BCAS4: variants seen among roughly 807,000 people sequenced by gnomAD.
BCAS4 encodes breast carcinoma-amplified sequence 4.
A neutral mutation model predicts 15.7 loss-of-function variants in BCAS4; 9 were observed. The observed-to-expected ratio is 0.57, with a 90% CI of 0.34 to 1.00. BCAS4 has a LOEUF of 1.00. Ranked by LOEUF, BCAS4 falls within the 50% of genes least tolerant of loss-of-function variation. The pLI, the probability that BCAS4 is intolerant of heterozygous loss-of-function variation, is 0.02. For missense variants in BCAS4, 225 were observed against 239.1 expected, an observed-to-expected ratio of 0.94 and a Z score of 0.39; for synonymous variants, 101 against 99.5, an observed-to-expected ratio of 1.02 and a Z score of -0.09.
At chr20:50,795,015 G>T, upstream of BCAS4, 1 of 1,382,184 alleles carries the variant, frequency 7.2e-7, no homozygotes, top group East Asian at 3.1e-5. Flanking sequence ...CGGGGGCGGG[G>T]CTCCGAGGCC....
At chr20:50,849,749 G>T (rs940508289) in intron 4 of BCAS4, among the ~76,000 whole-genome samples, 4 of 152,160 alleles carry the variant, frequency 2.6e-5, no homozygotes, top group African/African-American at 9.7e-5. Context: ...CATTTGGAGG[G>T]TTTTTTGTTG....
At chr20:50,826,779 G>A (rs950843645) in intron 2 of BCAS4, among the ~76,000 whole-genome samples, 1 of 152,054 alleles carries the variant, frequency 6.6e-6, no homozygotes, top group African/African-American at 2.4e-5. Flanking sequence ...GACCAGCCTG[G>A]ACATCACAGT....
At chr20:50,857,438 A>G (rs974288012) in intron 4 of BCAS4, among the ~76,000 whole-genome samples, 8 of 152,116 alleles carry the variant, frequency 5.3e-5, no homozygotes, top group African/African-American at 1.9e-4. Context: ...GCTGAACGCT[A>G]TTTTCTAAGC....
intron 2 of BCAS4, among the ~76,000 whole-genome samples, chr20:50,829,597 A>G (rs2088319085): frequency 6.6e-6 from 1 of 152,110 alleles, no homozygotes; most frequent in South Asian, 2.1e-4. Flanking sequence ...CAGCGAGGAT[A>G]TGATAACATG....
downstream of BCAS4, chr20:50,877,556 A>G (rs1454478455): frequency 6.6e-6 from 1 of 152,280 alleles, no homozygotes; most frequent in African/African-American, 2.4e-5. Context: ...GTAAATCTGC[A>G]TTAGAATTTC....
chr20:50,880,508 C>T (rs73909823), downstream of BCAS4: 14,765 of 152,146 alleles, frequency 0.097, 827 homozygotes, highest in African/African-American at 0.15. Flanking sequence ...TAAACAGAGA[C>T]GGGGTTTTGC....
chr20:50,839,361 AT>A (rs1205016662), intron 3 of BCAS4, among the ~76,000 whole-genome samples: 4 of 151,748 alleles, frequency 2.6e-5, no homozygotes, highest in Admixed American at 1.3e-4. Flanking sequence ...CCTGAACAGT[AT>A]TTTTTTTTAA....
rs190645341 is a variant in BCAS4 at position 50,809,335 on chromosome 20, C to A, written c.91-8876C>A. Among the ~76,000 whole-genome samples, 6 of 152,060 alleles carry A rather than the reference C, an allele frequency of 3.9e-5. No individual in the cohort carries two copies. The East Asian group carries it at 1.2e-3, about 29-fold the overall frequency. ...AGCAATTCTCCTGCCTCAGTGTCCC[C>A]AATAGCTGGGATTACAGGCATGCAC... On this transcript the variant is annotated intron_variant, in intron 1 of 4. Coordinates refer to ENST00000371608, the MANE Select transcript of BCAS4 (RefSeq NM_198799.4).
chr20:50,814,569 C>T (rs943342486), intron 1 of BCAS4, among the ~76,000 whole-genome samples: 5 of 152,232 alleles, frequency 3.3e-5, no homozygotes, highest in African/African-American at 4.8e-5. Flanking sequence ...AGGCATGAGC[C>T]GCTCTACCCA....
chr20:50,831,716 C>T (rs1267009372), intron 3 of BCAS4, among the ~76,000 whole-genome samples: 1 of 152,122 alleles, frequency 6.6e-6, no homozygotes, highest in Non-Finnish European at 1.5e-5. Flanking sequence ...TGCAGACACT[C>T]TTCATCCACC....
At chr20:50,846,597 GTC>G (rs1212044500) in intron 4 of BCAS4, 5 of 140,906 alleles carry the variant, frequency 3.5e-5, no homozygotes, top group African/African-American at 5.3e-5. Context: ...GTCACGTTCA[GTC>G]TCTCTCTCTT....
At chr20:50,799,266 C>CA (rs1211837956) in intron 1 of BCAS4, among the ~76,000 whole-genome samples, 6 of 152,186 alleles carry the variant, frequency 3.9e-5, no homozygotes, top group Non-Finnish European at 8.8e-5. Flanking sequence ...GTCTTTAACT[C>CA]AGTCACGGGT....
intron 4 of BCAS4, among the ~76,000 whole-genome samples, chr20:50,853,736 TG>T (rs1226022140): frequency 0.011 from 81 of 7,602 alleles, no homozygotes; most frequent in Non-Finnish European, 0.012. Context: ...TTTTGTGTAC[TG>T]GGGGGTGTTT....
intron 1 of BCAS4, among the ~76,000 whole-genome samples, chr20:50,810,526 T>C (rs1437288328): frequency 6.6e-6 from 1 of 152,084 alleles, no homozygotes; most frequent in African/African-American, 2.4e-5. Context: ...CTCCGGAGGT[T>C]TCATTCTGGT....
chr20:50,853,996 C>G (rs1357655953), intron 4 of BCAS4, among the ~76,000 whole-genome samples: 1 of 152,154 alleles, frequency 6.6e-6, no homozygotes, highest in Non-Finnish European at 1.5e-5. Flanking sequence ...GGCAAAATTG[C>G]CCCGAGTTAA....
intron 4 of BCAS4, 137 bp downstream of exon 4, chr20:50,842,037 C>T (rs371565876): frequency 1.2e-5 from 14 of 1,129,272 alleles, no homozygotes; most frequent in African/African-American, 9.6e-5. Flanking sequence ...CGGGTACAGG[C>T]GGCCAGGCAC....
At position 50,827,102 on chromosome 20, in the gene BCAS4, T is replaced by G. The variant is rs564028201; in HGVS notation, c.163-3177T>G. On this transcript the variant is annotated intron_variant, in intron 2 of 4. Transcript: ENST00000371608. ...ACGCTTTGTTTTGATGTCACCAGTT[T>G]CTCATGAGTGTCCTCTTTCTGTTCC... Among the ~76,000 whole-genome samples the G allele has an allele frequency of 3.9e-5, 6 of 152,356 alleles. No individual in the cohort carries two copies. In the East Asian group the frequency reaches 1.2e-3, roughly 29 times the overall value.
chr20:50,804,044 T>G (rs2087960846), intron 1 of BCAS4, among the ~76,000 whole-genome samples: 1 of 152,052 alleles, frequency 6.6e-6, no homozygotes, highest in Non-Finnish European at 1.5e-5. Flanking sequence ...GGGATCTGGA[T>G]TTCTTTTTTT....
intron 4 of BCAS4, among the ~76,000 whole-genome samples, chr20:50,852,607 C>G (rs1205000211): frequency 2.6e-5 from 4 of 151,740 alleles, no homozygotes; most frequent in Non-Finnish European, 5.9e-5. Flanking sequence ...GTCTTGAACT[C>G]CTGACCCCAA....
Sources: allele counts gnomAD v4.1 joint callset (sites outside exome capture counted in the v4.1 genomes callset), GRCh38; gene constraint gnomAD v4.1.1; transcripts MANE v1.5; gene names NCBI Gene and HGNC (gene_info 2026-07-23, HGNC 2026-07-21).